The following MTCL2 variants were observed in gnomAD, a reference collection of about 807,000 sequenced individuals.
MTCL2 encodes the protein microtubule crosslinking factor 2.
chr20:36,828,258 C>T, the MTCL2 span, among the ~76,000 whole-genome samples: 1 of 152,184 alleles, frequency 6.6e-6, no homozygotes, highest in Non-Finnish European at 1.5e-5. Context: ...TTAAGGGACA[C>T]CTAGGCTGAT....
chr20:36,856,839 C>CGTGT, the MTCL2 span, among the ~76,000 whole-genome samples: 11 of 150,574 alleles, frequency 7.3e-5, no homozygotes, highest in South Asian at 6.3e-4. Context: ...AATGTCACAG[C>CGTGT]GTGTGTGTGT....
At chr20:36,817,052 A>G in the MTCL2 span, among the ~76,000 whole-genome samples, 1 of 152,036 alleles carries the variant, frequency 6.6e-6, no homozygotes, top group Non-Finnish European at 1.5e-5. Flanking sequence ...GGATTGCTTG[A>G]GGCCAGGAGT....
the MTCL2 span, among the ~76,000 whole-genome samples, chr20:36,811,220 C>T: frequency 6.6e-6 from 1 of 152,200 alleles, no homozygotes; most frequent in Non-Finnish European, 1.5e-5. Context: ...CCTCCCTGAA[C>T]TCAGTGGTCA....
At chr20:36,786,418 G>A in the MTCL2 span, 670 of 1,456,108 alleles carry the variant, frequency 4.6e-4, no homozygotes, top group Middle Eastern at 7.5e-4. Flanking sequence ...ACCTCGTCTC[G>A]TCTCTGCTGG....
the MTCL2 span, among the ~76,000 whole-genome samples, chr20:36,832,304 G>C: frequency 6.6e-6 from 1 of 152,192 alleles, no homozygotes; most frequent in Non-Finnish European, 1.5e-5. Context: ...ATCTGGGCCA[G>C]CTCCTCTCCA....
At chr20:36,794,752 C>T in the MTCL2 span, 1 of 878,308 alleles carries the variant, frequency 1.1e-6, no homozygotes, top group South Asian at 1.5e-5. The surrounding 1 kb of genome is among the most constrained non-coding windows in gnomAD (Gnocchi z 5.4). Context: ...CCCAGTCCCA[C>T]ATTCTGTCTG....
the MTCL2 span, chr20:36,793,503 T>C: frequency 1.3e-6 from 2 of 1,551,614 alleles, no homozygotes; most frequent in Admixed American, 2.0e-5. The surrounding 1 kb of genome is among the most constrained non-coding windows in gnomAD (Gnocchi z 6.8). Context: ...TCCTGCACAA[T>C]GCCGTACTTG....
the MTCL2 span, among the ~76,000 whole-genome samples, chr20:36,846,745 G>A: frequency 3.9e-5 from 6 of 152,318 alleles, no homozygotes; most frequent in South Asian, 6.2e-4. Context: ...GGCGGCTCAC[G>A]CCTGTAATCC....
chr20:36,796,738 G>A, the MTCL2 span: 2 of 719,740 alleles, frequency 2.8e-6, no homozygotes, highest in Admixed American at 4.7e-5. Context: ...GATGCGGTGG[G>A]GTGGCGGCAG....
the MTCL2 span, among the ~76,000 whole-genome samples, chr20:36,809,578 CTTTTTTTTTTTTTT>C: frequency 1.3e-4 from 16 of 124,178 alleles, no homozygotes; most frequent in Non-Finnish European, 2.6e-4. Flanking sequence ...TTCTTTCATT[CTTTTTTTTTTTTTT>C]TTTTTTTAGA....
the MTCL2 span, chr20:36,805,910 T>C: frequency 6.2e-7 from 1 of 1,613,738 alleles, no homozygotes; most frequent in Admixed American, 1.7e-5. Context: ...GCTGAGCGTT[T>C]ATCTCCTCTT....
chr20:36,834,500 G>A, the MTCL2 span, among the ~76,000 whole-genome samples: 7 of 152,120 alleles, frequency 4.6e-5, no homozygotes, highest in South Asian at 2.1e-4. Context: ...AGCTCCTCAC[G>A]GGTCCTGGGA....
At chr20:36,863,401 G>C in the MTCL2 span, 1 of 1,127,584 alleles carries the variant, frequency 8.9e-7, no homozygotes, top group Non-Finnish European at 1.1e-6. This position sits in a 1 kb window ranked among gnomAD's most constrained non-coding sequence, Gnocchi z 6.2. Flanking sequence ...GCCCGGCCTC[G>C]ACGTCCCTGG....
chr20:36,784,926 G>A, the MTCL2 span: 6 of 985,252 alleles, frequency 6.1e-6, no homozygotes, highest in African/African-American at 5.2e-5. Flanking sequence ...TTCTCATTTG[G>A]GAAACTTGGA....
At chr20:36,802,889 C>A in the MTCL2 span, 1 of 1,574,246 alleles carries the variant, frequency 6.4e-7, no homozygotes, top group South Asian at 1.2e-5. Context: ...CCTTCACCTG[C>A]TGCTCCACCT....
At chr20:36,840,457 C>T in the MTCL2 span, among the ~76,000 whole-genome samples, 4 of 151,722 alleles carry the variant, frequency 2.6e-5, no homozygotes, top group Non-Finnish European at 5.9e-5. Context: ...CATGAGCCAC[C>T]GTGCCCTTGG....
the MTCL2 span, chr20:36,786,712 T>C: frequency 2.2e-5 from 31 of 1,381,914 alleles, no homozygotes; most frequent in South Asian, 3.5e-4. Flanking sequence ...CTGTGTGGTA[T>C]GCCAGGCAAG....
chr20:36,816,011 C>T, the MTCL2 span: 1 of 1,613,780 alleles, frequency 6.2e-7, no homozygotes, highest in Non-Finnish European at 8.5e-7. Flanking sequence ...TGTCGTCCAT[C>T]TCAGCCCGCA....
the MTCL2 span, chr20:36,812,950 G>C: frequency 1.5e-6 from 2 of 1,360,442 alleles, no homozygotes; most frequent in Non-Finnish European, 2.0e-6. Flanking sequence ...TAAGAGGCTT[G>C]AACCACCCAC....
Sources: allele counts gnomAD v4.1 joint callset (sites outside exome capture counted in the v4.1 genomes callset), GRCh38; gene constraint gnomAD v4.1.1; non-coding constraint Gnocchi (gnomAD v3.1); transcripts MANE v1.5; gene names NCBI Gene and HGNC (gene_info 2026-07-23, HGNC 2026-07-21).